Variants in RIMS2 observed in about 807,000 individuals in gnomAD.
RIMS2 encodes the protein regulating synaptic membrane exocytosis protein 2.
In RIMS2, 59 loss-of-function variants were observed where a neutral mutation model predicts 174.4. That is an observed-to-expected ratio of 0.34 (90% CI 0.27 to 0.42). The LOEUF is 0.42. RIMS2 is among the 10% of genes least tolerant of loss of function. The pLI is 1.00. For synonymous variants in RIMS2, 606 were observed against 572.5 expected, an observed-to-expected ratio of 1.06 and a Z score of -0.84; for missense variants, 1,620 against 1,666.3, an observed-to-expected ratio of 0.97 and a Z score of 0.48.
intron 14 of RIMS2, among the ~76,000 whole-genome samples, chr8:103,950,200 G>A (rs1486482557): frequency 6.6e-6 from 1 of 152,072 alleles, no homozygotes; most frequent in Admixed American, 6.6e-5. Flanking sequence ...ACATGTAAGG[G>A]TGATAAAATA....
intron 19 of RIMS2, among the ~76,000 whole-genome samples, chr8:104,086,440 C>T (rs1313169487): frequency 1.3e-5 from 2 of 151,912 alleles, no homozygotes; most frequent in Non-Finnish European, 2.9e-5. Flanking sequence ...GCACTTCTAT[C>T]TCTGAAAACT....
intron 1 of RIMS2, among the ~76,000 whole-genome samples, chr8:103,659,702 GTGCTCTTCAGAAAC>G: frequency 6.6e-6 from 1 of 152,316 alleles, no homozygotes; most frequent in Non-Finnish European, 1.5e-5. Context: ...ATCCCTGTTG[GTGCTCTTCAGAAAC>G]TGGTGGTGCA....
chr8:103,575,286 G>C (rs1411803844), intron 1 of RIMS2, among the ~76,000 whole-genome samples: 4 of 152,172 alleles, frequency 2.6e-5, no homozygotes, highest in Non-Finnish European at 5.9e-5. Flanking sequence ...AGAGACAATA[G>C]TAGGTGTTTT....
chr8:103,850,127 C>T (rs541177195), intron 3 of RIMS2, among the ~76,000 whole-genome samples: 1 of 152,056 alleles, frequency 6.6e-6, no homozygotes, highest in South Asian at 2.1e-4. Flanking sequence ...TCTTTTCACT[C>T]ACTTTTATTT....
intron 3 of RIMS2, among the ~76,000 whole-genome samples, chr8:103,799,776 T>C (rs953851160): frequency 2.6e-5 from 4 of 152,292 alleles, no homozygotes; most frequent in African/African-American, 9.6e-5. Context: ...TATCTGTCAA[T>C]TTGAAAAAAT....
intron 3 of RIMS2, among the ~76,000 whole-genome samples, chr8:103,810,010 T>G (rs2098676605): frequency 6.6e-6 from 1 of 152,184 alleles, no homozygotes; most frequent in South Asian, 2.1e-4. Context: ...TCAGATAATC[T>G]TAGCTTCTGC....
intron 3 of RIMS2, among the ~76,000 whole-genome samples, chr8:103,783,824 A>T (rs1413093227): frequency 6.6e-6 from 1 of 151,136 alleles, no homozygotes; most frequent in Non-Finnish European, 1.5e-5. Flanking sequence ...CCAGTTCTAG[A>T]TCCCTGAGGA....
chr8:104,120,722 T>C (rs2098360313), intron 19 of RIMS2, among the ~76,000 whole-genome samples: 1 of 152,126 alleles, frequency 6.6e-6, no homozygotes, highest in Non-Finnish European at 1.5e-5. Flanking sequence ...ACTTAGAGTA[T>C]TATAAATTAA....
intron 19 of RIMS2, among the ~76,000 whole-genome samples, chr8:104,071,777 T>C (rs1288807483): frequency 1.3e-5 from 2 of 152,192 alleles, no homozygotes; most frequent in East Asian, 3.9e-4. Flanking sequence ...GATTCTGATG[T>C]AGACTAAAGT....
At chr8:103,661,628 C>T (rs539879777) in intron 1 of RIMS2, among the ~76,000 whole-genome samples, 99 of 152,178 alleles carry the variant, frequency 6.5e-4, no homozygotes, top group Admixed American at 1.8e-3. Flanking sequence ...CTCAGCCTCC[C>T]GAGTAGCTGG....
intron 19 of RIMS2, among the ~76,000 whole-genome samples, chr8:104,126,431 A>G (rs1250918699): frequency 1.3e-5 from 2 of 152,142 alleles, no homozygotes; most frequent in East Asian, 1.9e-4. Flanking sequence ...AATATGACCT[A>G]TGGGGTAATA....
intron 1 of RIMS2, among the ~76,000 whole-genome samples, chr8:103,617,621 C>T (rs900747440): frequency 5.9e-5 from 9 of 152,142 alleles, no homozygotes; most frequent in Non-Finnish European, 1.0e-4. Context: ...CTGACGAAGT[C>T]TAATATTCAT....
intron 19 of RIMS2, among the ~76,000 whole-genome samples, chr8:104,070,775 T>C (rs1442116038): frequency 1.3e-5 from 2 of 152,304 alleles, no homozygotes; most frequent in African/African-American, 4.8e-5. Context: ...AAAATACTTA[T>C]ATAGTCTCAA....
At chr8:103,996,651 T>G (rs1431585293) in intron 17 of RIMS2, among the ~76,000 whole-genome samples, 2 of 151,906 alleles carry the variant, frequency 1.3e-5, no homozygotes, top group Non-Finnish European at 2.9e-5. Context: ...CCAGGCTGTA[T>G]GTACAAATGT....
intron 15 of RIMS2, among the ~76,000 whole-genome samples, chr8:103,970,866 A>C (rs1184527479): frequency 1.3e-5 from 2 of 152,192 alleles, no homozygotes; most frequent in Non-Finnish European, 2.9e-5. Flanking sequence ...CAGAAACTAG[A>C]AGTTCCTCCA....
intron 15 of RIMS2, among the ~76,000 whole-genome samples, chr8:103,962,820 A>G (rs1177312358): frequency 1.3e-5 from 2 of 152,080 alleles, no homozygotes; most frequent in Non-Finnish European, 2.9e-5. Context: ...AGGGCACGAT[A>G]CCTATTGAGT....
At chr8:103,993,594 A>T (rs2094872157) in intron 17 of RIMS2, among the ~76,000 whole-genome samples, 1 of 152,228 alleles carries the variant, frequency 6.6e-6, no homozygotes, top group Admixed American at 6.5e-5. Flanking sequence ...AGTAAATGAA[A>T]AAAGAAAATT....
At chr8:103,602,230 G>T (rs202230410) in intron 1 of RIMS2, among the ~76,000 whole-genome samples, 4 of 151,974 alleles carry the variant, frequency 2.6e-5, no homozygotes, top group Non-Finnish European at 5.9e-5. Flanking sequence ...CTCATGATCC[G>T]CCCGCCTCGG....
At chr8:103,789,044 T>A (rs2098471325) in intron 3 of RIMS2, among the ~76,000 whole-genome samples, 1 of 152,146 alleles carries the variant, frequency 6.6e-6, no homozygotes, top group Non-Finnish European at 1.5e-5. Context: ...CCAGGTGCCG[T>A]CCGTCACCCC....
Sources: gnomAD v4.1 joint callset for allele counts (sites outside exome capture counted in the v4.1 genomes callset) on GRCh38, gnomAD v4.1.1 for gene constraint, MANE v1.5 for transcripts, NCBI Gene and HGNC (gene_info 2026-07-23, HGNC 2026-07-21) for gene names.